NRXN3: variants seen among roughly 807,000 people sequenced by gnomAD.
NRXN3 encodes neurexin 3, also known as neurexin III.
In NRXN3, 32 loss-of-function variants were observed where a neutral mutation model predicts 137.6. The ratio of observed to expected loss-of-function variants is 0.23; its 90% CI spans 0.18 to 0.31. NRXN3 has a LOEUF of 0.31. Among genes scored for constraint, NRXN3 ranks in the 10% least tolerant of loss-of-function variants. The pLI is 1.00. For missense variants in NRXN3, 1,574 were observed against 2,062.5 expected (o/e 0.76, Z 4.59); for synonymous variants, 798 against 784.5 (o/e 1.02, Z -0.29).
chr14:79,393,957 A>G (rs1294009843), intron 15 of NRXN3, among the ~76,000 whole-genome samples: 1 of 152,238 alleles, frequency 6.6e-6, no homozygotes, highest in African/African-American at 2.4e-5. Flanking sequence ...TTGTTTAATT[A>G]TCACTAGGTC....
intron 19 of NRXN3, among the ~76,000 whole-genome samples, chr14:79,749,313 C>T (rs1289744162): frequency 6.6e-6 from 1 of 152,056 alleles, no homozygotes; most frequent in Non-Finnish European, 1.5e-5. Flanking sequence ...ATCCACACCT[C>T]CATCCAGATG....
intron 8 of NRXN3, among the ~76,000 whole-genome samples, chr14:78,796,001 T>C (rs1361441620): frequency 6.6e-6 from 1 of 152,200 alleles, no homozygotes; most frequent in African/African-American, 2.4e-5. Context: ...TACCTGCCAG[T>C]TATCAGTCTA....
intron 4 of NRXN3, among the ~76,000 whole-genome samples, chr14:78,412,876 C>T (rs980377980): frequency 2.0e-5 from 3 of 152,184 alleles, no homozygotes; most frequent in Admixed American, 2.0e-4. Context: ...GCAGAGTGGC[C>T]TGCTGTGGGT....
At chr14:78,628,490 T>C (rs1437941754) in intron 4 of NRXN3, among the ~76,000 whole-genome samples, 1 of 152,242 alleles carries the variant, frequency 6.6e-6, no homozygotes, top group Non-Finnish European at 1.5e-5. Context: ...ACTGTCAACC[T>C]GGCACATGAC....
At chr14:79,135,488 G>A (rs1025496031) in intron 15 of NRXN3, among the ~76,000 whole-genome samples, 1 of 152,170 alleles carries the variant, frequency 6.6e-6, no homozygotes, top group Admixed American at 6.5e-5. Flanking sequence ...CTATGGGCTT[G>A]CTAAGCAATA....
chr14:79,815,822 A>T (rs530503507), intron 20 of NRXN3, among the ~76,000 whole-genome samples: 1 of 152,292 alleles, frequency 6.6e-6, no homozygotes, highest in African/African-American at 2.4e-5. Context: ...TGGCTTTTTC[A>T]TCATACGTAC....
At chr14:79,208,003 G>A (rs2067050963) in intron 15 of NRXN3, among the ~76,000 whole-genome samples, 1 of 152,142 alleles carries the variant, frequency 6.6e-6, no homozygotes, top group South Asian at 2.1e-4. Context: ...AGGAAACTAA[G>A]AAGTTAAGTA....
chr14:79,170,503 T>C (rs1198631586), intron 15 of NRXN3, among the ~76,000 whole-genome samples: 1 of 152,102 alleles, frequency 6.6e-6, no homozygotes, highest in Non-Finnish European at 1.5e-5. Context: ...TATACATTCA[T>C]GGAGGTGTTG....
At chr14:78,919,539 G>C (rs2099265428) in intron 10 of NRXN3, among the ~76,000 whole-genome samples, 3 of 152,156 alleles carry the variant, frequency 2.0e-5, no homozygotes, top group South Asian at 2.1e-4. Context: ...AATTTTGCTG[G>C]ATGGACACCA....
Position 79,331,944 on chromosome 14 carries a change from A to G in NRXN3, c.3263-135277A>G, listed in dbSNP as rs1254810928. On this transcript the variant is annotated intron_variant, in intron 15 of 20. Transcript: ENST00000335750. Reference sequence around the variant, plus strand: ...TAGACTGTATTTCATTCAGGCAGATACTTTTACTTTATTACATTCCCAAAT... The same window carrying G: ...TAGACTGTATTTCATTCAGGCAGATGCTTTTACTTTATTACATTCCCAAAT... 3.9e-5 allele frequency among the ~76,000 whole-genome samples: 6 copies of G among 152,174 alleles called. No individual in the cohort carries two copies. In the East Asian group the frequency reaches 5.8e-4, roughly 15 times the overall value.
At chr14:78,842,340 A>G (rs2099014889) in intron 10 of NRXN3, among the ~76,000 whole-genome samples, 1 of 152,120 alleles carries the variant, frequency 6.6e-6, no homozygotes, top group South Asian at 2.1e-4. Flanking sequence ...CGGGGGAGAC[A>G]TCACATATCG....
Position 78,211,153 on chromosome 14 carries a change from A to AG in NRXN3, c.-703-31237dup, listed in dbSNP as rs78512951. On this transcript the variant is annotated intron_variant, in intron 1 of 20. Transcript: ENST00000335750. ...TATTACTTCCATTTTGCAAATGAAG[A>AG]GAAAAACTCCTGAGGCACAGAAAAG... 4.0e-3 allele frequency among the ~76,000 whole-genome samples: 603 copies of AG among 152,378 alleles called. 33 individuals are homozygous for AG. In the East Asian group the frequency reaches 0.1, roughly 26 times the overall value.
chr14:78,723,686 A>G (rs367938736), intron 8 of NRXN3, among the ~76,000 whole-genome samples: 3 of 134,948 alleles, frequency 2.2e-5, no homozygotes, highest in African/African-American at 9.5e-5. Context: ...TGTAGAATCA[A>G]AGTGTATAAT....
chr14:78,814,376 G>C (rs962494204), intron 10 of NRXN3, among the ~76,000 whole-genome samples: 3 of 152,118 alleles, frequency 2.0e-5, no homozygotes, highest in African/African-American at 7.2e-5. Context: ...CAGCACTTTG[G>C]GAGGCCGAGG....
chr14:79,265,636 C>A (rs1784122648), intron 15 of NRXN3, among the ~76,000 whole-genome samples: 1 of 152,050 alleles, frequency 6.6e-6, no homozygotes, highest in Non-Finnish European at 1.5e-5. Flanking sequence ...TCCTTTCATC[C>A]TTTTTTGCTT....
At chr14:79,267,130 T>C (rs1370648267) in intron 15 of NRXN3, among the ~76,000 whole-genome samples, 1 of 152,142 alleles carries the variant, frequency 6.6e-6, no homozygotes, top group Non-Finnish European at 1.5e-5. Context: ...TATTGCAAAG[T>C]AGGCATGTTG....
At chr14:78,694,130 C>T (rs2098201599) in intron 6 of NRXN3, among the ~76,000 whole-genome samples, 1 of 152,004 alleles carries the variant, frequency 6.6e-6, no homozygotes, top group South Asian at 2.1e-4. Flanking sequence ...GAGCTCATCC[C>T]TGATTTCATG....
At chr14:78,838,380 T>C (rs1051321344) in intron 10 of NRXN3, among the ~76,000 whole-genome samples, 2 of 152,168 alleles carry the variant, frequency 1.3e-5, no homozygotes, top group African/African-American at 4.8e-5. Flanking sequence ...AGTAGATACA[T>C]AGATATTCCT....
intron 4 of NRXN3, among the ~76,000 whole-genome samples, chr14:78,378,878 T>G (rs765369524): frequency 1.3e-5 from 2 of 152,032 alleles, no homozygotes; most frequent in Non-Finnish European, 2.9e-5. Context: ...TGACACAACT[T>G]TAGCTAGACT....
Sources: allele counts gnomAD v4.1 joint callset (sites outside exome capture counted in the v4.1 genomes callset), GRCh38; gene constraint gnomAD v4.1.1; transcripts MANE v1.5; gene names NCBI Gene and HGNC (gene_info 2026-07-23, HGNC 2026-07-21).